Variants in WDR89 observed in about 807,000 individuals in gnomAD.
The protein encoded by WDR89 is WD repeat-containing protein 89.
Under a neutral mutation model 29.1 loss-of-function variants are expected in WDR89, and 17 were observed. The observed-to-expected ratio is 0.58, with a 90% CI of 0.40 to 0.88. The LOEUF is 0.88. Among genes scored for constraint, WDR89 ranks in the 40% least tolerant of loss-of-function variants. The pLI is 0.00. For synonymous variants in WDR89, 138 were observed against 157.8 expected (o/e 0.87, Z 0.94); for missense variants, 396 against 456.3 (o/e 0.87, Z 1.20).
chr14:63,599,340 A>G lies in WDR89; in HGVS notation c.603T>C (p.Asn201=). 1 of 1,614,208 alleles carries G rather than the reference A, an allele frequency of 6.2e-7. No individual in the cohort carries two copies. The highest frequency in any genetic ancestry group is 8.5e-7 in the Non-Finnish European group (1 of 1,180,040). ...SDGLVNVFDI[N]IDNEEDALVT... ...CCAGTGCATCCTCCTCATTATCAATATTAATATCAAATACATTTACCAGGC... is the reference window on the plus strand; with the variant it reads ...CCAGTGCATCCTCCTCATTATCAATGTTAATATCAAATACATTTACCAGGC... Residue 201 remains asparagine (N), a synonymous_variant, in exon 3 of 3, where the codon AAT becomes AAC. Coordinates refer to ENST00000620954, the MANE Select transcript of WDR89 (RefSeq NM_080666.4).
chr14:63,629,167 G>C (rs955363690), intron 1 of WDR89, among the ~76,000 whole-genome samples: 1 of 152,140 alleles, frequency 6.6e-6, no homozygotes, highest in Non-Finnish European at 1.5e-5. Context: ...CTAGGTGCTA[G>C]AGGGACAGTG....
At chr14:63,619,615 TAAGCACCCCTCAA>T (rs1387455013) in intron 2 of WDR89, among the ~76,000 whole-genome samples, 1 of 152,100 alleles carries the variant, frequency 6.6e-6, no homozygotes, top group Non-Finnish European at 1.5e-5. Context: ...TGGTTATTTT[TAAGCACCCCTCAA>T]AACAGAAGAC....
intron 1 of WDR89, among the ~76,000 whole-genome samples, chr14:63,635,070 C>T (rs1883645245): frequency 1.3e-5 from 2 of 151,700 alleles, no homozygotes; most frequent in Admixed American, 6.6e-5. Flanking sequence ...AGAATTGGTA[C>T]CAATCCTTTT....
intron 1 of WDR89, among the ~76,000 whole-genome samples, chr14:63,628,009 G>A (rs1883177097): frequency 6.6e-6 from 1 of 152,206 alleles, no homozygotes; most frequent in South Asian, 2.1e-4. Context: ...GCTGAAGTGG[G>A]AGGCTCCCTT....
At chr14:63,637,083 C>T (rs1189507198) in intron 1 of WDR89, among the ~76,000 whole-genome samples, 2 of 152,022 alleles carry the variant, frequency 1.3e-5, no homozygotes, top group African/African-American at 4.8e-5. Flanking sequence ...CAAACAAGCC[C>T]ATCACAATGT....
chr14:63,634,865 C>T (rs1353058863), intron 1 of WDR89, among the ~76,000 whole-genome samples: 1 of 137,780 alleles, frequency 7.3e-6, no homozygotes, highest in Non-Finnish European at 1.5e-5. Context: ...AGCGAAACTA[C>T]ATCTCAAAAA....
In WDR89 at chr14:63,598,941, A is replaced by G. The variant is rs747320957; in HGVS notation, c.1002T>C (p.Asp334=). ...CATCTTCTCCTCCAGTCAACAAAGA[A>G]TCATCTTGCACATTCCAACAGAAAG... ...VRSFCWNVQD[D]SLLTGGEDAQ... The change falls in exon 3 of 3, where the codon GAT becomes GAC. Residue 334 remains aspartate (D), a synonymous_variant. Coordinates refer to ENST00000620954, the MANE Select transcript of WDR89 (RefSeq NM_080666.4). 45 of 1,614,076 alleles carry G rather than the reference A, an allele frequency of 2.8e-5. No individual in the cohort carries two copies. Among genetic ancestry groups the G allele is most frequent in the Non-Finnish European group, 5.1e-6 (6 of 1,180,046 alleles).
chr14:63,626,276 T>C (rs745339298), intron 1 of WDR89, among the ~76,000 whole-genome samples: 18 of 152,138 alleles, frequency 1.2e-4, no homozygotes, highest in Non-Finnish European at 2.2e-4. Context: ...CAAAGGTTAA[T>C]ACCCTTACTA....
intron 1 of WDR89, chr14:63,641,494 A>C (rs988443766): frequency 1.3e-5 from 2 of 152,292 alleles, no homozygotes; most frequent in African/African-American, 4.8e-5. Flanking sequence ...TCTTTCCCTG[A>C]AAATGAGCAA....
intron 1 of WDR89, among the ~76,000 whole-genome samples, chr14:63,633,786 G>C (rs1366565894): frequency 6.6e-6 from 1 of 152,070 alleles, no homozygotes; most frequent in African/African-American, 2.4e-5. Flanking sequence ...CAAACAAAAG[G>C]CATAATTATT....
chr14:63,616,202 C>T (rs748532396), intron 2 of WDR89, among the ~76,000 whole-genome samples: 6 of 151,422 alleles, frequency 4.0e-5, no homozygotes, highest in Non-Finnish European at 8.8e-5. Flanking sequence ...GTTGCAGCTG[C>T]AAGTTGAGCT....
chr14:63,610,546 A>C (rs1462258483), intron 2 of WDR89, among the ~76,000 whole-genome samples: 2 of 152,090 alleles, frequency 1.3e-5, no homozygotes, highest in Non-Finnish European at 2.9e-5. Flanking sequence ...ATCAAGGGTA[A>C]CATCATCAGC....
intron 2 of WDR89, among the ~76,000 whole-genome samples, chr14:63,610,459 A>G (rs1881891745): frequency 6.6e-6 from 1 of 151,974 alleles, no homozygotes; most frequent in African/African-American, 2.4e-5. Flanking sequence ...AAGAATAGAG[A>G]AGAATAGAGT....
chr14:63,601,629 T>C (rs541460464), intron 2 of WDR89: 29 of 1,613,290 alleles, frequency 1.8e-5, no homozygotes, highest in South Asian at 1.3e-4. Context: ...AGGAAAAGTA[T>C]TGCAAGCAAC....
chr14:63,599,236 G>A lies in WDR89; in HGVS notation c.707C>T (p.Thr236Ile), dbSNP rs767911526. The A allele has an allele frequency of 1.4e-5, 23 of 1,607,316 alleles. No homozygotes were observed. The highest frequency in any genetic ancestry group is 8.5e-6 in the Non-Finnish European group (10 of 1,175,726). ...CCACCAATAAAATCCTTCATCATGT[G>A]TCATGCAGTAAATCTGTTTATAACC... ...GKGYKQIYCM[T>I]HDEGFYWWDL... The change falls in exon 3 of 3, where the codon ACA (threonine) becomes ATA (isoleucine). Residue 236 changes from threonine (T) to isoleucine (I), a missense_variant. By Grantham distance (89) the Thr-to-Ile change is moderately conservative (BLOSUM62 -1). Coordinates refer to ENST00000620954, the MANE Select transcript of WDR89 (RefSeq NM_080666.4).
At chr14:63,635,937 T>C (rs938604058) in intron 1 of WDR89, among the ~76,000 whole-genome samples, 1 of 152,212 alleles carries the variant, frequency 6.6e-6, no homozygotes, top group Admixed American at 6.5e-5. Flanking sequence ...GGCTGGGTAG[T>C]GGCTCAAGCC....
In WDR89 at chr14:63,621,559, T is replaced by C. The variant is rs114478115; in HGVS notation, c.-32+3369A>G. Among the ~76,000 whole-genome samples, 867 of 151,972 alleles carry C rather than the reference T, an allele frequency of 5.7e-3. 8 individuals carry two copies. The highest frequency in any genetic ancestry group is 0.019 in the African/African-American group (796 of 41,412). On this transcript the variant is annotated intron_variant, in intron 2 of 2. Coordinates refer to ENST00000620954, the MANE Select transcript of WDR89 (RefSeq NM_080666.4). The stretch of plus-strand genomic sequence containing the variant: ...GTTGCAGTGAGATGAGATCACACGA[T>C]TGCACTGCAGCCTGAGTGGCAGAGC...
intron 2 of WDR89, among the ~76,000 whole-genome samples, chr14:63,619,279 T>C (rs1425122117): frequency 6.6e-6 from 1 of 152,182 alleles, no homozygotes; most frequent in African/African-American, 2.4e-5. Flanking sequence ...ATATAAATGT[T>C]AACTATAGTA....
intron 2 of WDR89, among the ~76,000 whole-genome samples, chr14:63,604,334 G>C (rs1895214744): frequency 6.6e-6 from 1 of 152,118 alleles, no homozygotes; most frequent in African/African-American, 2.4e-5. Context: ...GACTGCTTGA[G>C]CTCGGGAGGT....
Sources: gnomAD v4.1 joint callset for allele counts (sites outside exome capture counted in the v4.1 genomes callset) on GRCh38, gnomAD v4.1.1 for gene constraint, MANE v1.5 for transcripts, NCBI Gene and HGNC (gene_info 2026-07-23, HGNC 2026-07-21) for gene names.